HS1BP3: variants seen among roughly 807,000 people sequenced by gnomAD.
HS1BP3 encodes the protein HCLS1 binding protein 3.
HS1BP3 carries 32 observed loss-of-function variants against 33.5 expected under a neutral mutation model. That is an observed-to-expected ratio of 0.95 (90% CI 0.72 to 1.28). The LOEUF (loss-of-function observed/expected upper bound fraction) is 1.28, where lower values mean the gene tolerates loss of function less well. Among genes scored for constraint, HS1BP3 ranks in the 50% most tolerant of loss-of-function variants. HS1BP3 has a pLI of 0.00. For missense variants in HS1BP3, 486 were observed against 502.3 expected, an observed-to-expected ratio of 0.97 and a Z score of 0.31; for synonymous variants, 187 against 209.2, an observed-to-expected ratio of 0.89 and a Z score of 0.92.
intron 5 of HS1BP3, among the ~76,000 whole-genome samples, chr2:20,560,958 C>G (rs1692978238): frequency 6.6e-6 from 1 of 152,096 alleles, no homozygotes; most frequent in Non-Finnish European, 1.5e-5. Flanking sequence ...CCTGGGGCAA[C>G]AGGAGCCTCT....
In HS1BP3 at chr2:20,575,768, C is replaced by T. The variant is rs77197412; in HGVS notation, c.303-15253G>A. On this transcript the variant is annotated intron_variant, in intron 5 of 5. Coordinates refer to the HS1BP3 transcript ENST00000446825. ...TCTGTCTCCTTGGTTCCACCCCCCC[C>T]CCCCCCTTCAGGCTACCCCAGCAAG... Among the ~76,000 whole-genome samples the T allele has an allele frequency of 5.1e-5, 6 of 117,606 alleles. No homozygotes were observed. In the East Asian group the frequency reaches 8.3e-4, roughly 16 times the overall value. The allele number at this position is 117,606 out of a possible 152,430, so 77.2% of individuals were successfully genotyped here.
chr2:20,648,168 C>CAACCAT, intron 1 of HS1BP3, among the ~76,000 whole-genome samples: 1 of 152,230 alleles, frequency 6.6e-6, no homozygotes, highest in Non-Finnish European at 1.5e-5. Context: ...TACTGGCCCA[C>CAACCAT]GCTTATTAGC....
intron 6 of HS1BP3, chr2:20,622,634 T>C: frequency 3.6e-6 from 1 of 276,618 alleles, no homozygotes; most frequent in Non-Finnish European, 7.4e-6. Context: ...AAGTAACGGA[T>C]TTAGAATAAA....
chr2:20,622,294 A>G lies in HS1BP3; in HGVS notation c.920+1602T>C, dbSNP rs1454172129. 3.1e-6 allele frequency: 4 copies of G among 1,304,762 alleles called. No homozygotes were observed. The East Asian group carries it at 2.2e-4, about 72-fold the overall frequency. The allele number at this position is 1,304,762 out of a possible 1,614,324, so 80.8% of individuals were successfully genotyped here. A position where few individuals can be genotyped will look rare whatever the true frequency, so the allele number is the denominator to read the frequency against. ...TTCCTGCTCTCAAGAAGCTAATCCC[A>G]GTGTTACGGCTCTTTTTGAATTTGT... is the stretch of plus-strand genomic sequence containing the variant. On this transcript the variant is annotated intron_variant, in intron 6 of 6. Coordinates refer to ENST00000304031, the MANE Select transcript of HS1BP3 (RefSeq NM_022460.4).
chr2:20,629,590 T>C (rs1356227168), intron 4 of HS1BP3, among the ~76,000 whole-genome samples: 2 of 152,154 alleles, frequency 1.3e-5, no homozygotes, highest in African/African-American at 2.4e-5. Context: ...ACAGGGTTCA[T>C]TGGAACTAGT....
intron 4 of HS1BP3, among the ~76,000 whole-genome samples, chr2:20,625,307 C>A (rs1203861766): frequency 6.6e-6 from 1 of 152,240 alleles, no homozygotes; most frequent in Non-Finnish European, 1.5e-5. Flanking sequence ...TGCCAGACAA[C>A]CCCAGCTCTT....
At chr2:20,644,034 TG>T (rs1695440636) in intron 2 of HS1BP3, among the ~76,000 whole-genome samples, 1 of 152,212 alleles carries the variant, frequency 6.6e-6, no homozygotes, top group South Asian at 2.1e-4. Flanking sequence ...CTTTTTATCT[TG>T]GTTGCCAGGA....
intron 5 of HS1BP3, among the ~76,000 whole-genome samples, chr2:20,585,783 C>T (rs958428897): frequency 3.9e-5 from 6 of 152,220 alleles, no homozygotes; most frequent in African/African-American, 4.8e-5. Flanking sequence ...TGCACAATAC[C>T]GTTCGCTTGC....
At chr2:20,579,853 T>C (rs1270837461) in intron 5 of HS1BP3, among the ~76,000 whole-genome samples, 1 of 152,242 alleles carries the variant, frequency 6.6e-6, no homozygotes, top group Non-Finnish European at 1.5e-5. Flanking sequence ...GACAAAGCTA[T>C]TGTGAGGATG....
chr2:20,583,123 G>GC (rs1693574612), intron 5 of HS1BP3, among the ~76,000 whole-genome samples: 1 of 152,202 alleles, frequency 6.6e-6, no homozygotes, highest in South Asian at 2.1e-4. Context: ...GCAGGCATGT[G>GC]CCATGCACTG....
intron 6 of HS1BP3, chr2:20,622,935 G>A (rs919388234): frequency 1.6e-4 from 25 of 154,382 alleles, no homozygotes; most frequent in Admixed American, 3.8e-4. Flanking sequence ...CTAATAGCCC[G>A]AGGCTGCTAA....
At chr2:20,575,171 C>G (rs1232741448) in intron 5 of HS1BP3, among the ~76,000 whole-genome samples, 1 of 152,228 alleles carries the variant, frequency 6.6e-6, no homozygotes, top group Non-Finnish European at 1.5e-5. Context: ...ACTTTTGGAA[C>G]AATGGGCTCT....
At chr2:20,601,189 T>C (rs1182112088) in intron 2 of HS1BP3, among the ~76,000 whole-genome samples, 2 of 152,244 alleles carry the variant, frequency 1.3e-5, no homozygotes, top group Non-Finnish European at 1.5e-5. Context: ...TCTTCAGGGC[T>C]ATTGGCTAAG....
At chr2:20,629,956 C>T (rs72784303) in intron 4 of HS1BP3, among the ~76,000 whole-genome samples, 16,930 of 152,252 alleles carry the variant, frequency 0.11, 960 homozygotes, top group Middle Eastern at 0.14. Flanking sequence ...ACCCAGGGGG[C>T]CTGTGGCACC....
chr2:20,644,807 G>A (rs1695465477), intron 2 of HS1BP3, among the ~76,000 whole-genome samples: 1 of 152,180 alleles, frequency 6.6e-6, no homozygotes, highest in African/African-American at 2.4e-5. Context: ...CTCCTTGGCT[G>A]CAGGTTAAGT....
In HS1BP3 at chr2:20,611,801, A is replaced by G. The variant is rs1572332123; in HGVS notation, c.178+12095T>C. ...CACCCCACGGTGAGGCAGCAGAAGC[A>G]GGCCATCACCCTGCTCAGCAGCGTG... On this transcript the variant is annotated intron_variant, in intron 2 of 3. Transcript: ENST00000415264. This position sits in a 1 kb window ranked among gnomAD's most constrained non-coding sequence, Gnocchi z 4.9. Among the ~76,000 whole-genome samples the G allele has an allele frequency of 6.6e-6, 1 of 152,316 alleles. No individual in the cohort carries two copies. Among genetic ancestry groups the G allele is most frequent in the South Asian group, 2.1e-4 (1 of 4,828 alleles).
intron 6 of HS1BP3, chr2:20,622,088 TTCTTAGCCTCGAC>T: frequency 1.2e-6 from 1 of 841,674 alleles, no homozygotes; most frequent in Non-Finnish European, 1.6e-6. Flanking sequence ...GAACAAAGCC[TTCTTAGCCTCGAC>T]CCGCTCAGTG....
In HS1BP3 at chr2:20,574,986, G is replaced by C. The variant is rs572034695; in HGVS notation, c.303-14471C>G. On this transcript the variant is annotated intron_variant, in intron 5 of 5. Coordinates refer to the HS1BP3 transcript ENST00000446825. ...TGTTGGCCTTACTTGGTTTTTGCCA[G>C]GATTAAATGAGAACACAGGAGTGGT... Among the ~76,000 whole-genome samples the C allele has an allele frequency of 3.3e-5, 5 of 152,336 alleles. No homozygotes were observed. In the South Asian group the frequency reaches 1.0e-3, roughly 32 times the overall value.
chr2:20,574,730 G>A (rs1227451207), intron 5 of HS1BP3, among the ~76,000 whole-genome samples: 1 of 152,246 alleles, frequency 6.6e-6, no homozygotes, highest in Non-Finnish European at 1.5e-5. Flanking sequence ...TGCTGGGCAA[G>A]CCTGGCCTCC....
Sources: gnomAD v4.1 joint callset for allele counts (sites outside exome capture counted in the v4.1 genomes callset) on GRCh38, gnomAD v4.1.1 for gene constraint, Gnocchi (gnomAD v3.1) non-coding constraint, MANE v1.5 for transcripts, NCBI Gene and HGNC (gene_info 2026-07-23, HGNC 2026-07-21) for gene names.